Variants in PANK1 observed in about 807,000 individuals in gnomAD.
PANK1 encodes pantothenate kinase 1.
PANK1 carries 18 observed loss-of-function variants against 40.1 expected under a neutral mutation model. That is an observed-to-expected ratio of 0.45 (90% confidence interval 0.31 to 0.67). PANK1 has a LOEUF of 0.67. Among genes scored for constraint, PANK1 ranks in the 30% least tolerant of loss-of-function variants. The pLI is 0.06. For synonymous variants in PANK1, 242 were observed against 237.7 expected, an observed-to-expected ratio of 1.02 and a Z score of -0.17; for missense variants, 457 against 599.6, an observed-to-expected ratio of 0.76 and a Z score of 2.48.
At chr10:89,611,667 A>C (rs757259826) in intron 2 of PANK1, 29 bp downstream of exon 2, 6 of 1,491,976 alleles carry the variant, frequency 4.0e-6, no homozygotes, top group Non-Finnish European at 5.5e-6. Context: ...AGAGGTTTTG[A>C]TGTTTTAACA....
In PANK1 at chr10:89,645,004, C is replaced by G. The variant is rs1842073270; in HGVS notation, c.-113G>C. On this transcript the variant is annotated 5_prime_UTR_variant, in exon 1 of 7. Transcript: ENST00000307534. ...TCCCTGCGGCTTCCGATTCAGCAGCCGCAGAGCCGGCGCCTGGGGATGGCG... is the reference window on the plus strand; with the variant it reads ...TCCCTGCGGCTTCCGATTCAGCAGCGGCAGAGCCGGCGCCTGGGGATGGCG... 1.3e-6 allele frequency: 2 copies of G among 1,569,162 alleles called. No homozygotes were observed. Among genetic ancestry groups the G allele is most frequent in the East Asian group, 2.6e-5 (1 of 38,620 alleles).
At chr10:89,589,043 T>C (rs1844289319) in intron 5 of PANK1, among the ~76,000 whole-genome samples, 2 of 152,224 alleles carry the variant, frequency 1.3e-5, no homozygotes, top group South Asian at 2.1e-4. Context: ...GCCTTACGTC[T>C]GACATTAAGC....
intron 1 of PANK1, among the ~76,000 whole-genome samples, chr10:89,614,483 T>C (rs1363333516): frequency 9.9e-5 from 15 of 152,100 alleles, no homozygotes; most frequent in African/African-American, 3.4e-4. Context: ...TTCCAAACTG[T>C]AGAATATTAG....
chr10:89,610,253 A>G (rs1347628991), intron 2 of PANK1, among the ~76,000 whole-genome samples: 3 of 152,204 alleles, frequency 2.0e-5, no homozygotes, highest in Admixed American at 6.5e-5. Flanking sequence ...CTAGTCACCC[A>G]GCTGATGAAA....
intron 1 of PANK1, among the ~76,000 whole-genome samples, chr10:89,636,885 A>C (rs984388576): frequency 6.9e-6 from 1 of 145,488 alleles, no homozygotes; most frequent in Non-Finnish European, 1.5e-5. Context: ...TTTTTGAGAC[A>C]GAGTCTCTCC....
intron 1 of PANK1, among the ~76,000 whole-genome samples, chr10:89,631,110 C>T (rs563570325): frequency 6.6e-6 from 1 of 152,306 alleles, no homozygotes; most frequent in African/African-American, 2.4e-5. Context: ...TCCTGTATTA[C>T]AACCCAGTAT....
At chr10:89,610,402 T>G (rs1263202915) in intron 2 of PANK1, among the ~76,000 whole-genome samples, 1 of 151,982 alleles carries the variant, frequency 6.6e-6, no homozygotes, top group Non-Finnish European at 1.5e-5. Flanking sequence ...AAGGATTCTG[T>G]GGGTCATTTA....
intron 2 of PANK1, among the ~76,000 whole-genome samples, chr10:89,610,038 T>A (rs1845104289): frequency 6.6e-6 from 1 of 152,216 alleles, no homozygotes; most frequent in African/African-American, 2.4e-5. Context: ...CATTTCCTTC[T>A]GAATCAGAAT....
chr10:89,593,423 C>T, intron 4 of PANK1, 103 bp from the exon 5 acceptor site: 1 of 1,296,186 alleles, frequency 7.7e-7, no homozygotes, highest in Non-Finnish European at 1.1e-6. Flanking sequence ...TGTTCAAACT[C>T]AAGTGATCCA....
Position 89,611,699 on chromosome 10 carries a change from T to C in PANK1, c.642A>G (p.Arg214=), listed in dbSNP as rs757879784. 1.5e-5 allele frequency: 24 copies of C among 1,603,396 alleles called. No homozygotes were observed. The South Asian group carries it at 1.8e-4, about 12-fold the overall frequency. The stretch of plus-strand genomic sequence containing the variant: ...AACAAAGACAAACCCGACCTACCAT[T>C]CTGAAGTCCTCTTCGAATTTGAAAG... The part of the protein sequence containing the change: ...GGAFKFEEDF[R]MIADLQLHKL... The change falls in exon 2 of 7, where the codon AGA becomes AGG. Residue 214 remains arginine (R), a synonymous_variant. Coordinates refer to ENST00000307534, the MANE Select transcript of PANK1 (RefSeq NM_148977.3).
chr10:89,592,870 T>C (rs760503187), intron 5 of PANK1: 1 of 549,254 alleles, frequency 1.8e-6, no homozygotes, highest in East Asian at 4.9e-5. Flanking sequence ...TGCAGTTATG[T>C]GCAAGGATGC....
intron 2 of PANK1, among the ~76,000 whole-genome samples, chr10:89,608,874 A>C (rs1845065815): frequency 6.6e-6 from 1 of 152,188 alleles, no homozygotes; most frequent in African/African-American, 2.4e-5. Flanking sequence ...TTGGATTATT[A>C]GGACACTAAG....
At chr10:89,625,444 C>A (rs1223545412) in intron 1 of PANK1, among the ~76,000 whole-genome samples, 3 of 152,180 alleles carry the variant, frequency 2.0e-5, no homozygotes, top group South Asian at 2.1e-4. Flanking sequence ...ATTATCCAGC[C>A]ATGACTAAAC....
At chr10:89,635,119 A>G (rs564989437) in intron 1 of PANK1, among the ~76,000 whole-genome samples, 21 of 150,712 alleles carry the variant, frequency 1.4e-4, no homozygotes, top group Non-Finnish European at 2.8e-4. Context: ...ATGGTTGATC[A>G]TTTAGCAAAT....
Position 89,645,181 on chromosome 10 carries a change from C to T in PANK1, c.-290G>A, listed in dbSNP as rs1394988063. ...GCACCCCCAGCCGGGGCTCCCGCCGCCCGCCTTCCCCTGATCCCCAGGCCG... is the reference window on the plus strand; with the variant it reads ...GCACCCCCAGCCGGGGCTCCCGCCGTCCGCCTTCCCCTGATCCCCAGGCCG... On this transcript the variant is annotated 5_prime_UTR_variant, in exon 1 of 7. Coordinates refer to ENST00000307534, the MANE Select transcript of PANK1 (RefSeq NM_148977.3). 2 of 1,569,894 alleles carry T rather than the reference C, an allele frequency of 1.3e-6. No individual in the cohort carries two copies. Among genetic ancestry groups the T allele is most frequent in the African/African-American group, 1.4e-5 (1 of 70,980 alleles).
intron 4 of PANK1, among the ~76,000 whole-genome samples, chr10:89,593,549 T>C (rs1200983236): frequency 6.6e-6 from 1 of 152,156 alleles, no homozygotes; most frequent in African/African-American, 2.4e-5. Flanking sequence ...TTAATGCCTC[T>C]AGATATCTGG....
At chr10:89,598,487 T>C (rs916694139) in intron 3 of PANK1, among the ~76,000 whole-genome samples, 12 of 152,266 alleles carry the variant, frequency 7.9e-5, no homozygotes, top group Admixed American at 6.5e-4. Context: ...ATGGGTTCTA[T>C]GGTTCCACAT....
chr10:89,606,449 T>A (rs1844967918), intron 2 of PANK1, among the ~76,000 whole-genome samples: 1 of 152,240 alleles, frequency 6.6e-6, no homozygotes, highest in Non-Finnish European at 1.5e-5. Flanking sequence ...GTACTTTATC[T>A]TGCACTTTAA....
chr10:89,633,376 A>G (rs528126476), intron 1 of PANK1, among the ~76,000 whole-genome samples: 2 of 152,322 alleles, frequency 1.3e-5, no homozygotes, highest in South Asian at 4.1e-4. Flanking sequence ...ATCACCCCAA[A>G]GAATAAATCA....
Sources: allele counts gnomAD v4.1 joint callset (sites outside exome capture counted in the v4.1 genomes callset), GRCh38; gene constraint gnomAD v4.1.1; transcripts MANE v1.5; gene names NCBI Gene and HGNC (gene_info 2026-07-23, HGNC 2026-07-21).